AASS: variants seen among roughly 807,000 people sequenced by gnomAD.
AASS encodes alpha-aminoadipic semialdehyde synthase, mitochondrial.
In AASS, 86 loss-of-function variants were observed where a neutral mutation model predicts 105.4. The ratio of observed to expected loss-of-function variants is 0.82; its 90% confidence interval spans 0.69 to 0.98. The LOEUF (loss-of-function observed/expected upper bound fraction) is 0.98. Among genes scored for constraint, AASS ranks in the 50% least tolerant of loss-of-function variants. AASS has a pLI of 0.00. For synonymous variants in AASS, 381 were observed against 394.8 expected, an observed-to-expected ratio of 0.96 and a Z score of 0.41; for missense variants, 1,048 against 1,143.2, an observed-to-expected ratio of 0.92 and a Z score of 1.20.
intron 11 of AASS, among the ~76,000 whole-genome samples, chr7:122,103,809 C>G (rs961842362): frequency 2.0e-5 from 3 of 150,768 alleles, no homozygotes; most frequent in African/African-American, 4.9e-5. Context: ...ATATACTATA[C>G]ACACACACAC....
At chr7:122,099,119 G>A (rs181746885) in intron 13 of AASS, among the ~76,000 whole-genome samples, 4 of 151,844 alleles carry the variant, frequency 2.6e-5, no homozygotes, top group East Asian at 1.9e-4. Context: ...ATCTACAGAC[G>A]TATAGATGTA....
At chr7:122,133,299 G>A (rs566508608) in intron 2 of AASS, among the ~76,000 whole-genome samples, 1 of 152,142 alleles carries the variant, frequency 6.6e-6, no homozygotes, top group South Asian at 2.1e-4. Flanking sequence ...CCAGAACCAG[G>A]GCTGTACATG....
At chr7:122,143,843 G>T (rs1796512158) in intron 1 of AASS, among the ~76,000 whole-genome samples, 1 of 152,170 alleles carries the variant, frequency 6.6e-6, no homozygotes, top group Admixed American at 6.5e-5. Flanking sequence ...AGAAAGAAAA[G>T]AAATCCGAAT....
At chr7:122,125,431 C>T (rs1390368650) in intron 4 of AASS, among the ~76,000 whole-genome samples, 1 of 152,120 alleles carries the variant, frequency 6.6e-6, no homozygotes, top group Non-Finnish European at 1.5e-5. Flanking sequence ...TTACTTCCTG[C>T]AGAAAGGGTA....
rs762354793 is a variant in AASS at position 122,126,361 on chromosome 7, C to T, written c.472+14G>A. 2 of 1,610,082 alleles carry T rather than the reference C, an allele frequency of 1.2e-6. No homozygotes were observed. The highest frequency in any genetic ancestry group is 4.5e-5 in the East Asian group (2 of 44,846). On this transcript the variant is annotated intron_variant, in intron 4 of 23. Coordinates refer to ENST00000417368, the MANE Select transcript of AASS (RefSeq NM_005763.4). Reference sequence around the variant, plus strand: ...AATTTAGGAAGTGGGTGATGTAAGCCCTGGCATACTTACCTGCCACACCAG... The same window carrying T: ...AATTTAGGAAGTGGGTGATGTAAGCTCTGGCATACTTACCTGCCACACCAG...
intron 19 of AASS, among the ~76,000 whole-genome samples, chr7:122,083,414 G>T (rs1196161201): frequency 6.6e-6 from 1 of 151,948 alleles, no homozygotes; most frequent in East Asian, 1.9e-4. Context: ...CCCTAGAAAT[G>T]AATTTATTTT....
At chr7:122,119,494 C>A (rs1201318750) in intron 4 of AASS, among the ~76,000 whole-genome samples, 2 of 152,144 alleles carry the variant, frequency 1.3e-5, no homozygotes, top group East Asian at 3.9e-4. Context: ...CAGCAAAGAC[C>A]TGAGCATCCA....
intron 11 of AASS, 122 bp downstream of exon 11, chr7:122,112,995 GA>G: frequency 1.3e-6 from 1 of 795,862 alleles, no homozygotes; most frequent in Non-Finnish European, 2.2e-6. Context: ...GTATTTCAGG[GA>G]AGGGCTGGCA....
intron 21 of AASS, chr7:122,079,308 C>T (rs1793193355): frequency 7.4e-7 from 1 of 1,350,792 alleles, no homozygotes; most frequent in African/African-American, 1.5e-5. Context: ...ATGTAATATT[C>T]TATGACTACT....
At position 122,081,489 on chromosome 7, in the gene AASS, G is replaced by A. The variant is rs933216316; in HGVS notation, c.2280+11C>T. 1 of 1,601,068 alleles carries A rather than the reference G, an allele frequency of 6.2e-7. No individual in the cohort carries two copies. The highest frequency in any genetic ancestry group is 8.6e-7 in the Non-Finnish European group (1 of 1,168,070). On this transcript the variant is annotated intron_variant, in intron 20 of 23. Transcript: ENST00000417368. ...AAAGGAGCAGATAGAACGTAATTCGGAGTCACTCACCCAGGTGAGAGGGTT... is the reference window on the plus strand; with the variant it reads ...AAAGGAGCAGATAGAACGTAATTCGAAGTCACTCACCCAGGTGAGAGGGTT...
At position 122,093,085 on chromosome 7, in the gene AASS, TTGCAG is replaced by T; in HGVS notation, c.1724_1728del (p.Thr575LysfsTer24). On this transcript the variant is annotated frameshift_variant, in exon 16 of 24. Transcript: ENST00000417368. LOFTEE classifies it high-confidence loss of function. ...TCTTTTAGTGCTGGTGTGATGTAGCTTGCAGTGACCATGTTAACTTTGTTTGTGAT... is the reference window on the plus strand; with the variant it reads ...TCTTTTAGTGCTGGTGTGATGTAGCTTGACCATGTTAACTTTGTTTGTGAT... 1 of 1,614,024 alleles carries T rather than the reference TTGCAG, an allele frequency of 6.2e-7. No individual in the cohort carries two copies. The highest frequency in any genetic ancestry group is 1.1e-5 in the South Asian group (1 of 91,084).
intron 6 of AASS, among the ~76,000 whole-genome samples, chr7:122,117,351 A>G (rs1263185654): frequency 6.6e-6 from 1 of 152,186 alleles, no homozygotes; most frequent in East Asian, 1.9e-4. Flanking sequence ...ATGATATCCT[A>G]TTTGTAAAAT....
intron 4 of AASS, among the ~76,000 whole-genome samples, chr7:122,119,402 T>A (rs1327008102): frequency 6.6e-6 from 1 of 152,188 alleles, no homozygotes; most frequent in Non-Finnish European, 1.5e-5. Context: ...ATCTTTCTTT[T>A]GATTTCAAAA....
chr7:122,101,823 G>A (rs1794446905), intron 11 of AASS, 143 bp from the exon 12 acceptor site: 7 of 681,300 alleles, frequency 1.0e-5, no homozygotes, highest in Non-Finnish European at 1.8e-5. Context: ...ATAAGTGATT[G>A]CTAATAGAAG....
rs763381512 is a variant in AASS at position 122,079,712 on chromosome 7, T to C, written c.2281A>G (p.Lys761Glu). 6.2e-7 allele frequency: 1 copy of C among 1,607,952 alleles called. No homozygotes were observed. The highest frequency in any genetic ancestry group is 8.5e-7 in the Non-Finnish European group (1 of 1,174,456). ...FRPEANPLTW[K>E]QLLCDLVGIS... ...CCAACTAGGTCACAGAGGAGTTGTT[T>C]CTGGTTAGAAAAAGAAATACAATAT... The change falls in exon 21 of 24, where the codon AAA becomes GAA. Residue 761 changes from lysine (K) to glutamate (E), a missense_variant and splice_region_variant. Transcript: ENST00000417368.
At chr7:122,130,067 T>C (rs1584894577) in intron 2 of AASS, among the ~76,000 whole-genome samples, 1 of 151,930 alleles carries the variant, frequency 6.6e-6, no homozygotes, top group South Asian at 2.1e-4. Context: ...CAAAATATAG[T>C]AAAAAGTACT....
At chr7:122,100,537 T>C (rs1186764638) in intron 13 of AASS, among the ~76,000 whole-genome samples, 3 of 151,920 alleles carry the variant, frequency 2.0e-5, no homozygotes, top group Non-Finnish European at 4.4e-5. Flanking sequence ...TGGGCAGATC[T>C]CTTTGTTTAC....
intron 4 of AASS, among the ~76,000 whole-genome samples, chr7:122,125,960 C>T (rs1297790043): frequency 6.6e-6 from 1 of 152,180 alleles, no homozygotes; most frequent in East Asian, 1.9e-4. Context: ...AACAGAGCTA[C>T]AACATATTGT....
At chr7:122,087,596 C>T (rs117591026) in intron 18 of AASS, among the ~76,000 whole-genome samples, 54 of 152,252 alleles carry the variant, frequency 3.5e-4, no homozygotes, top group Non-Finnish European at 7.2e-4. Context: ...ATGGTGCCCA[C>T]CTGTAATCCC....
Sources: allele counts gnomAD v4.1 joint callset (sites outside exome capture counted in the v4.1 genomes callset), GRCh38; gene constraint gnomAD v4.1.1; transcripts MANE v1.5; gene names NCBI Gene and HGNC (gene_info 2026-07-23, HGNC 2026-07-21).